Variants in WWOX observed in about 807,000 individuals in gnomAD.
The protein encoded by WWOX is WW domain containing oxidoreductase.
In WWOX, 69 loss-of-function variants were observed where a neutral mutation model predicts 46.2. That is an observed-to-expected ratio of 1.49 (90% confidence interval 1.23 to 1.82). The LOEUF is 1.82. Among genes scored for constraint, WWOX ranks in the 40% most tolerant of loss-of-function variants. The probability of loss-of-function intolerance (pLI) is 0.00; values close to 1 mark genes in which losing one functional copy is unlikely to be tolerated. For synonymous variants in WWOX, 359 were observed against 202.6 expected (o/e 1.77, Z -6.56); for missense variants, 919 against 542.6 (o/e 1.69, Z -6.89).
chr16:78,500,084 G>T (rs2085022936), intron 8 of WWOX, among the ~76,000 whole-genome samples: 1 of 152,188 alleles, frequency 6.6e-6, no homozygotes, highest in Non-Finnish European at 1.5e-5. Flanking sequence ...GACTAGCATG[G>T]TTCAAAGCAC....
intron 8 of WWOX, chr16:79,077,922 G>T (rs1212572972): frequency 6.6e-6 from 1 of 152,082 alleles, no homozygotes; most frequent in African/African-American, 2.4e-5. Flanking sequence ...TGTGGGGTTG[G>T]TTTTTGGCAC....
intron 8 of WWOX, among the ~76,000 whole-genome samples, chr16:78,486,304 C>T (rs115909244): frequency 0.017 from 2,639 of 152,174 alleles, 41 homozygotes; most frequent in African/African-American, 0.044. Context: ...TGCACTATGC[C>T]GACTAATAGA....
intron 5 of WWOX, among the ~76,000 whole-genome samples, chr16:78,314,688 G>GGTTTTTTTTTTTTT: frequency 1.1e-5 from 1 of 90,512 alleles, no homozygotes; most frequent in South Asian, 4.6e-4. Context: ...CCCTGCAGGG[G>GGTTTTTTTTTTTTT]TTTTTTTTTT....
intron 5 of WWOX, among the ~76,000 whole-genome samples, chr16:78,267,985 GT>G (rs1170712055): frequency 3.9e-5 from 6 of 151,984 alleles, no homozygotes; most frequent in Non-Finnish European, 8.8e-5. Flanking sequence ...GCCTGGCTAA[GT>G]TTTTGTACTT....
At chr16:78,567,514 C>G (rs757284362) in intron 8 of WWOX, among the ~76,000 whole-genome samples, 2 of 134,728 alleles carry the variant, frequency 1.5e-5, no homozygotes, top group Non-Finnish European at 3.0e-5. Context: ...GATTGCAGCA[C>G]TGCACTCCAG....
intron 8 of WWOX, among the ~76,000 whole-genome samples, chr16:78,544,542 G>A (rs1396142978): frequency 6.6e-6 from 1 of 152,062 alleles, no homozygotes; most frequent in Non-Finnish European, 1.5e-5. Context: ...TGGCATCAAA[G>A]CCATTTTTTA....
chr16:78,550,664 A>G (rs947833848), intron 8 of WWOX: 4 of 152,228 alleles, frequency 2.6e-5, no homozygotes, highest in African/African-American at 7.2e-5. Context: ...TAACCCTGAC[A>G]ATTCTTGTCA....
chr16:79,137,279 G>A (rs1567575129), intron 8 of WWOX, among the ~76,000 whole-genome samples: 1 of 152,188 alleles, frequency 6.6e-6, no homozygotes, highest in Non-Finnish European at 1.5e-5. Flanking sequence ...AGAAGAAAAT[G>A]ATGGTATCAC....
chr16:78,713,282 A>G (rs890712056), intron 8 of WWOX, among the ~76,000 whole-genome samples: 2 of 149,128 alleles, frequency 1.3e-5, no homozygotes, highest in Non-Finnish European at 3.0e-5. Flanking sequence ...TCAAAAAAAA[A>G]AAAAAAAAAA....
At chr16:78,384,074 G>A (rs954609148) in intron 5 of WWOX, among the ~76,000 whole-genome samples, 2 of 152,150 alleles carry the variant, frequency 1.3e-5, no homozygotes, top group African/African-American at 2.4e-5. Context: ...CTGCTTTGGG[G>A]TCGCCATCTG....
intron 8 of WWOX, among the ~76,000 whole-genome samples, chr16:78,695,345 C>G (rs372745223): frequency 6.6e-6 from 1 of 152,210 alleles, no homozygotes; most frequent in African/African-American, 2.4e-5. Context: ...TCCCATATGT[C>G]CCTCCCTCAT....
At chr16:79,192,391 A>G (rs1386843980) in intron 8 of WWOX, among the ~76,000 whole-genome samples, 1 of 152,168 alleles carries the variant, frequency 6.6e-6, no homozygotes, top group Non-Finnish European at 1.5e-5. Context: ...TCACCCCTGT[A>G]TACCAGACCC....
intron 5 of WWOX, among the ~76,000 whole-genome samples, chr16:78,172,826 A>G (rs1465073378): frequency 6.6e-6 from 1 of 152,166 alleles, no homozygotes; most frequent in Non-Finnish European, 1.5e-5. Flanking sequence ...ATTTTGACAT[A>G]GTTTGAAGAG....
intron 5 of WWOX, among the ~76,000 whole-genome samples, chr16:78,337,056 C>T (rs945821882): frequency 6.6e-6 from 1 of 152,156 alleles, no homozygotes; most frequent in Non-Finnish European, 1.5e-5. Context: ...GTTGGGATTA[C>T]AGGTGTCAGC....
intron 8 of WWOX, chr16:78,756,801 G>T (rs2049660235): frequency 1.8e-6 from 1 of 549,440 alleles, no homozygotes; most frequent in African/African-American, 1.8e-5. Flanking sequence ...CCATGTCTCA[G>T]CATAGTCTTC....
intron 8 of WWOX, among the ~76,000 whole-genome samples, chr16:79,030,936 A>G (rs2047740191): frequency 6.6e-6 from 1 of 152,050 alleles, no homozygotes. Flanking sequence ...GTAAAAAATA[A>G]AATAAATTGG....
At chr16:78,637,990 C>G (rs2046615187) in intron 8 of WWOX, among the ~76,000 whole-genome samples, 1 of 152,184 alleles carries the variant, frequency 6.6e-6, no homozygotes, top group Non-Finnish European at 1.5e-5. Context: ...TTTCAACTTG[C>G]TCACCTGTCT....
chr16:78,492,573 C>G (rs548062245), intron 8 of WWOX, among the ~76,000 whole-genome samples: 2 of 152,218 alleles, frequency 1.3e-5, no homozygotes, highest in Non-Finnish European at 2.9e-5. Context: ...AGCCCAGGAC[C>G]TGCCACTAGG....
At chr16:78,753,797 A>C (rs2049548006) in intron 8 of WWOX, among the ~76,000 whole-genome samples, 1 of 70,158 alleles carries the variant, frequency 1.4e-5, no homozygotes. Context: ...GCAAGACCCT[A>C]TATCAAAAAA....
Sources: allele counts gnomAD v4.1 joint callset (sites outside exome capture counted in the v4.1 genomes callset), GRCh38; gene constraint gnomAD v4.1.1; transcripts MANE v1.5; gene names NCBI Gene and HGNC (gene_info 2026-07-23, HGNC 2026-07-21).